The following PRKCA variants were observed in gnomAD, a reference collection of about 807,000 sequenced individuals.
PRKCA encodes protein kinase C alpha, also known as protein kinase C alpha type.
Under a neutral mutation model 87.0 loss-of-function variants are expected in PRKCA, and 27 were observed. That is an observed-to-expected ratio of 0.31 (90% confidence interval 0.23 to 0.43). The LOEUF (loss-of-function observed/expected upper bound fraction) is 0.43, where lower values mean the gene tolerates loss of function less well. Ranked by LOEUF, PRKCA falls within the 20% of genes least tolerant of loss-of-function variation. The pLI is 1.00. For synonymous variants in PRKCA, 329 were observed against 311.1 expected (o/e 1.06, Z -0.61); for missense variants, 518 against 852.3 (o/e 0.61, Z 4.88).
At chr17:66,448,421 G>T (rs997248745) in intron 2 of PRKCA, among the ~76,000 whole-genome samples, 12 of 152,134 alleles carry the variant, frequency 7.9e-5, no homozygotes, top group Admixed American at 3.9e-4. Flanking sequence ...GCTGCGTTAG[G>T]CTCTTCTTGA....
intron 5 of PRKCA, among the ~76,000 whole-genome samples, chr17:66,654,902 A>G (rs150154521): frequency 3.0e-4 from 45 of 152,352 alleles, no homozygotes; most frequent in African/African-American, 1.0e-3. Context: ...TTTTGACAGC[A>G]TGTGAGTTGC....
chr17:66,345,840 C>T (rs1451275296), intron 2 of PRKCA, among the ~76,000 whole-genome samples: 1 of 152,040 alleles, frequency 6.6e-6, no homozygotes, highest in Non-Finnish European at 1.5e-5. Flanking sequence ...ATTTATAGCC[C>T]TAATAAAAAA....
chr17:66,747,201 CTG>C (rs1197757033), intron 13 of PRKCA, among the ~76,000 whole-genome samples: 1 of 152,182 alleles, frequency 6.6e-6, no homozygotes, highest in Non-Finnish European at 1.5e-5. Context: ...TCTTGGGTAA[CTG>C]GGACTACAGG....
intron 2 of PRKCA, among the ~76,000 whole-genome samples, chr17:66,454,751 C>G (rs561892018): frequency 6.6e-6 from 1 of 152,210 alleles, no homozygotes; most frequent in Non-Finnish European, 1.5e-5. Context: ...GCTCCCTCCC[C>G]CAATGTGTAG....
intron 2 of PRKCA, among the ~76,000 whole-genome samples, chr17:66,359,373 T>G (rs1381745440): frequency 1.3e-5 from 2 of 152,182 alleles, no homozygotes; most frequent in Non-Finnish European, 2.9e-5. Flanking sequence ...TAAAAAAAAT[T>G]ATCAGTTTCT....
chr17:66,554,896 T>A (rs1252225240), intron 3 of PRKCA, among the ~76,000 whole-genome samples: 1 of 151,274 alleles, frequency 6.6e-6, no homozygotes, highest in African/African-American at 2.4e-5. Context: ...TTTTTTTTTT[T>A]AAAGACAGGG....
At chr17:66,526,777 A>G (rs1339971954) in intron 3 of PRKCA, among the ~76,000 whole-genome samples, 16 of 152,206 alleles carry the variant, frequency 1.1e-4, no homozygotes, top group Admixed American at 1.0e-3. Context: ...ATTTGGAGCC[A>G]GTAATGATAT....
intron 2 of PRKCA, among the ~76,000 whole-genome samples, chr17:66,340,534 A>G (rs1906986081): frequency 6.6e-6 from 1 of 152,060 alleles, no homozygotes; most frequent in African/African-American, 2.4e-5. Flanking sequence ...TTTTTCTCCA[A>G]AAATTAATTT....
intron 16 of PRKCA, among the ~76,000 whole-genome samples, chr17:66,795,738 C>A (rs536552736): frequency 6.6e-6 from 1 of 152,180 alleles, no homozygotes; most frequent in Non-Finnish European, 1.5e-5. Flanking sequence ...TTTCCAACAA[C>A]GATGGCCATT....
At chr17:66,435,826 G>C (rs1265994698) in intron 2 of PRKCA, among the ~76,000 whole-genome samples, 1 of 152,176 alleles carries the variant, frequency 6.6e-6, no homozygotes, top group Non-Finnish European at 1.5e-5. Context: ...TAGAGAGGAT[G>C]CCATGAGTTA....
chr17:66,668,208 G>A (rs945799334), intron 5 of PRKCA, among the ~76,000 whole-genome samples: 13 of 152,182 alleles, frequency 8.5e-5, no homozygotes, highest in Admixed American at 7.2e-4. Flanking sequence ...CATTTCAGAG[G>A]ACCAAAATAG....
intron 3 of PRKCA, among the ~76,000 whole-genome samples, chr17:66,624,568 A>G (rs1183200357): frequency 2.6e-5 from 4 of 152,142 alleles, no homozygotes; most frequent in African/African-American, 9.7e-5. Flanking sequence ...TGGGAGGCCA[A>G]GGTGGGTGGA....
At chr17:66,451,245 G>A (rs1914294469) in intron 2 of PRKCA, among the ~76,000 whole-genome samples, 1 of 152,070 alleles carries the variant, frequency 6.6e-6, no homozygotes, top group South Asian at 2.1e-4. Flanking sequence ...CTTAAACTGT[G>A]CCTTTTTTCC....
intron 13 of PRKCA, among the ~76,000 whole-genome samples, chr17:66,745,682 A>AAAAT (rs755646358): frequency 6.6e-5 from 10 of 152,186 alleles, no homozygotes; most frequent in South Asian, 2.1e-4. Flanking sequence ...CACCGTCTCA[A>AAAAT]AAATAAATAA....
Position 66,497,180 on chromosome 17 carries a change from G to T in PRKCA, c.288+897G>T, listed in dbSNP as rs2144115023. On this transcript the variant is annotated intron_variant, in intron 3 of 16. Transcript: ENST00000413366. ...TTTGTGGACAATTCTGATGGTCTCT[G>T]TTGCATCTCTTGTGTACTTAAAAAT... Among the ~76,000 whole-genome samples the T allele has an allele frequency of 2.0e-5, 3 of 152,220 alleles. No homozygotes were observed. In the South Asian group the frequency reaches 6.2e-4, roughly 32 times the overall value.
chr17:66,617,017 G>A (rs1036982163), intron 3 of PRKCA, among the ~76,000 whole-genome samples: 21 of 152,000 alleles, frequency 1.4e-4, no homozygotes, highest in Non-Finnish European at 2.5e-4. Flanking sequence ...TAAGTTCCTC[G>A]TTTATAATTC....
chr17:66,514,858 C>T (rs911762895), intron 3 of PRKCA, among the ~76,000 whole-genome samples: 7 of 152,092 alleles, frequency 4.6e-5, no homozygotes, highest in African/African-American at 9.7e-5. Flanking sequence ...GTAGCCACTC[C>T]GATTTGGAAA....
chr17:66,468,853 C>A (rs1915201165), intron 2 of PRKCA, among the ~76,000 whole-genome samples: 1 of 152,126 alleles, frequency 6.6e-6, no homozygotes, highest in African/African-American at 2.4e-5. Flanking sequence ...CCCATCATTC[C>A]TCTCTATTTT....
At chr17:66,459,450 TA>T (rs1206535759) in intron 2 of PRKCA, among the ~76,000 whole-genome samples, 5 of 152,186 alleles carry the variant, frequency 3.3e-5, no homozygotes, top group African/African-American at 1.2e-4. Flanking sequence ...TTGAAGAAGG[TA>T]AAAAAGTATA....
Sources: allele counts gnomAD v4.1 joint callset (sites outside exome capture counted in the v4.1 genomes callset), GRCh38; gene constraint gnomAD v4.1.1; transcripts MANE v1.5; gene names NCBI Gene and HGNC (gene_info 2026-07-23, HGNC 2026-07-21).